Variants in MYT1L observed in about 807,000 individuals in gnomAD.
MYT1L encodes the protein myelin transcription factor 1-like protein.
In MYT1L, 12 loss-of-function variants were observed where a neutral mutation model predicts 126.7. The observed-to-expected ratio is 0.09, with a 90% CI of 0.06 to 0.15. The LOEUF (loss-of-function observed/expected upper bound fraction) is 0.15. Ranked by LOEUF, MYT1L falls within the 10% of genes least tolerant of loss-of-function variation. MYT1L has a pLI of 1.00. For missense variants in MYT1L, 979 were observed against 1,585.2 expected, an observed-to-expected ratio of 0.62 and a Z score of 6.49; for synonymous variants, 541 against 604.2, an observed-to-expected ratio of 0.90 and a Z score of 1.53.
At chr2:2,206,420 T>C (rs1285397402) in intron 2 of MYT1L, among the ~76,000 whole-genome samples, 1 of 152,186 alleles carries the variant, frequency 6.6e-6, no homozygotes, top group Non-Finnish European at 1.5e-5. Flanking sequence ...GTCCATGATA[T>C]TAGAAAGAAA....
At chr2:1,976,103 T>C (rs1168290404) in intron 8 of MYT1L, among the ~76,000 whole-genome samples, 1 of 144,022 alleles carries the variant, frequency 6.9e-6, no homozygotes, top group Non-Finnish European at 1.5e-5. Context: ...ATTGGAAACA[T>C]TTATTGTTAA....
intron 4 of MYT1L, among the ~76,000 whole-genome samples, chr2:2,045,163 C>T (rs1213199292): frequency 6.6e-6 from 1 of 152,212 alleles, no homozygotes; most frequent in Non-Finnish European, 1.5e-5. Context: ...TTCTCACCTT[C>T]CTGCATGTAA....
At chr2:2,294,956 CT>C (rs1028303870) in intron 1 of MYT1L, among the ~76,000 whole-genome samples, 123 of 148,940 alleles carry the variant, frequency 8.3e-4, no homozygotes, top group Admixed American at 1.5e-3. Flanking sequence ...AAGTGATGTT[CT>C]TTTTTTTTTA....
intron 4 of MYT1L, among the ~76,000 whole-genome samples, chr2:2,013,388 C>A (rs1029698261): frequency 1.3e-5 from 2 of 152,198 alleles, no homozygotes; most frequent in African/African-American, 4.8e-5. Flanking sequence ...GCCTCTGACA[C>A]CTGCCCATCC....
In MYT1L at chr2:2,234,292, C is replaced by A. The variant is rs181203087; in HGVS notation, c.-421+50112G>T. 4.6e-5 allele frequency among the ~76,000 whole-genome samples: 7 copies of A among 152,278 alleles called. No homozygotes were observed. In the East Asian group the frequency reaches 1.4e-3, roughly 29 times the overall value. On this transcript the variant is annotated intron_variant, in intron 2 of 24. Transcript: ENST00000647738. ...ATAATTTCACACTTGTCTTGGCTTTCCTGCTCTGAAGATCATAAAAAAGAA... is the reference window on the plus strand; with the variant it reads ...ATAATTTCACACTTGTCTTGGCTTTACTGCTCTGAAGATCATAAAAAAGAA...
intron 18 of MYT1L, among the ~76,000 whole-genome samples, chr2:1,870,995 C>T (rs747858192): frequency 1.1e-4 from 16 of 152,246 alleles, no homozygotes; most frequent in East Asian, 5.8e-4. Flanking sequence ...TGCTGGTGCA[C>T]GGGATCCACG....
intron 1 of MYT1L, among the ~76,000 whole-genome samples, chr2:2,307,465 G>T (rs2095873698): frequency 6.6e-6 from 1 of 152,090 alleles, no homozygotes; most frequent in South Asian, 2.1e-4. Context: ...TTTAGAGATA[G>T]AATTGGCAGG....
At chr2:1,815,271 C>T (rs887348890) in intron 21 of MYT1L, among the ~76,000 whole-genome samples, 1 of 152,170 alleles carries the variant, frequency 6.6e-6, no homozygotes, top group African/African-American at 2.4e-5. Flanking sequence ...GCTCCCAGAG[C>T]CTGGCTGTGT....
At chr2:2,268,261 T>C (rs770250732) in intron 2 of MYT1L, among the ~76,000 whole-genome samples, 8 of 152,168 alleles carry the variant, frequency 5.3e-5, no homozygotes, top group Non-Finnish European at 8.8e-5. Flanking sequence ...AATAGAGTAA[T>C]TTACCTCTAT....
chr2:2,112,721 G>A (rs553348523), intron 3 of MYT1L, among the ~76,000 whole-genome samples: 2 of 152,132 alleles, frequency 1.3e-5, no homozygotes, highest in Admixed American at 6.5e-5. Flanking sequence ...CTAACACCAG[G>A]AGCACTCTCA....
intron 18 of MYT1L, chr2:1,884,183 A>G (rs926614763): frequency 6.6e-6 from 1 of 152,238 alleles, no homozygotes; most frequent in African/African-American, 2.4e-5. Flanking sequence ...TGTATTGTAG[A>G]GAATAATTTT....
chr2:2,095,165 GC>G (rs955936909), intron 3 of MYT1L, among the ~76,000 whole-genome samples: 1 of 152,178 alleles, frequency 6.6e-6, no homozygotes, highest in Non-Finnish European at 1.5e-5. Flanking sequence ...CCCAGGGGGT[GC>G]CCCCAAGTTG....
intron 3 of MYT1L, among the ~76,000 whole-genome samples, chr2:2,105,182 C>A (rs1023335007): frequency 6.6e-6 from 1 of 152,156 alleles, no homozygotes; most frequent in East Asian, 1.9e-4. Flanking sequence ...CTGTGTGATT[C>A]TAACTGAAGA....
intron 2 of MYT1L, among the ~76,000 whole-genome samples, chr2:2,211,564 T>A (rs2093508671): frequency 6.6e-6 from 1 of 152,078 alleles, no homozygotes; most frequent in South Asian, 2.1e-4. Context: ...TCCCTGCACT[T>A]TAGGAGGCCG....
At chr2:1,875,596 C>T (rs899709100) in intron 18 of MYT1L, among the ~76,000 whole-genome samples, 4 of 152,316 alleles carry the variant, frequency 2.6e-5, no homozygotes, top group Admixed American at 6.5e-5. Flanking sequence ...GTTTCCCTCC[C>T]GGCCTCACTG....
Position 1,837,908 on chromosome 2 carries a change from TG to T in MYT1L, c.3080+1240del, listed in dbSNP as rs1297401366. 2.0e-5 allele frequency among the ~76,000 whole-genome samples: 3 copies of T among 151,642 alleles called. No individual in the cohort carries two copies. The East Asian group carries it at 5.8e-4, about 29-fold the overall frequency. On this transcript the variant is annotated intron_variant, in intron 21 of 24. Transcript: ENST00000647738. The stretch of plus-strand genomic sequence containing the variant: ...CTCTCTCTTTTTTTTTTTTGTCTTT[TG>T]TTTGTTTGTTTGTTTTTAATGAGAC...
chr2:1,825,302 G>A (rs2039153443), intron 21 of MYT1L: 1 of 152,232 alleles, frequency 6.6e-6, no homozygotes, highest in Admixed American at 6.5e-5. Context: ...ATGGGGGGGA[G>A]GCACCACAGC....
chr2:2,279,379 T>TGGAAGAGGAAGAAGGAGAAGA (rs2095413760), intron 2 of MYT1L, among the ~76,000 whole-genome samples: 3 of 141,320 alleles, frequency 2.1e-5, no homozygotes, highest in African/African-American at 2.7e-5. Context: ...CCATTCAACA[T>TGGAAGAGGAAGAAGGAGAAGA]GGAAGAGGAA....
intron 4 of MYT1L, among the ~76,000 whole-genome samples, chr2:2,044,705 T>A (rs550107499): frequency 6.6e-6 from 1 of 152,212 alleles, no homozygotes; most frequent in Non-Finnish European, 1.5e-5. Context: ...ATGGGGGCCA[T>A]GGCTAGCCTT....
Sources: gnomAD v4.1 joint callset for allele counts (sites outside exome capture counted in the v4.1 genomes callset) on GRCh38, gnomAD v4.1.1 for gene constraint, MANE v1.5 for transcripts, NCBI Gene and HGNC (gene_info 2026-07-23, HGNC 2026-07-21) for gene names.